Variants in LPP observed in about 807,000 individuals in gnomAD.
LPP encodes LIM domain containing preferred translocation partner in lipoma.
LPP carries 38 observed loss-of-function variants against 60.4 expected under a neutral mutation model. The ratio of observed to expected loss-of-function variants is 0.63; its 90% confidence interval spans 0.49 to 0.83. The LOEUF is 0.83. Among genes scored for constraint, LPP ranks in the 40% least tolerant of loss-of-function variants. The pLI, the probability that LPP is intolerant of heterozygous loss-of-function variation, is 0.00. For missense variants in LPP, 902 were observed against 783.6 expected (o/e 1.15, Z -1.80); for synonymous variants, 328 against 290.8 (o/e 1.13, Z -1.30).
intron 8 of LPP, among the ~76,000 whole-genome samples, chr3:188,756,831 A>G (rs940560461): frequency 6.6e-6 from 1 of 152,212 alleles, no homozygotes; most frequent in Non-Finnish European, 1.5e-5. Flanking sequence ...AGTCCAGCAT[A>G]TTAGGCTGAC....
intron 7 of LPP, among the ~76,000 whole-genome samples, chr3:188,634,644 T>G (rs1260824101): frequency 6.6e-6 from 1 of 152,174 alleles, no homozygotes; most frequent in Admixed American, 6.5e-5. Flanking sequence ...TGAACCCTAT[T>G]GTGAACTGCA....
At chr3:188,315,811 G>A (rs183786428) in intron 2 of LPP, among the ~76,000 whole-genome samples, 12 of 152,252 alleles carry the variant, frequency 7.9e-5, no homozygotes, top group African/African-American at 1.9e-4. Flanking sequence ...ACTCTAGTTC[G>A]TTTCTGCCTC....
chr3:188,664,812 G>T (rs931347160), intron 7 of LPP, among the ~76,000 whole-genome samples: 8 of 152,174 alleles, frequency 5.3e-5, no homozygotes, highest in African/African-American at 1.9e-4. Context: ...TATTACCAGG[G>T]ACTAAAATTA....
At position 188,886,263 on chromosome 3, in the gene LPP, G is replaced by T; in HGVS notation, c.*11784G>T. The T allele has an allele frequency of 6.4e-6, 1 of 155,398 alleles. No individual in the cohort carries two copies. Among genetic ancestry groups the T allele is most frequent in the Non-Finnish European group, 1.4e-5 (1 of 71,052 alleles). The allele number at this position is 155,398 out of a possible 1,614,324, so 9.6% of individuals were successfully genotyped here. On this transcript the variant is annotated 3_prime_UTR_variant, in exon 12 of 12. Coordinates refer to ENST00000617246, the MANE Select transcript of LPP (RefSeq NM_001375462.1). ...ACATGTATACATATGTAACTAACCT[G>T]CACATTGTGCACATGTACCCTAAAA... is the stretch of plus-strand genomic sequence containing the variant.
chr3:188,228,870 C>A (rs1718811040), intron 2 of LPP, among the ~76,000 whole-genome samples: 1 of 152,174 alleles, frequency 6.6e-6, no homozygotes, highest in South Asian at 2.1e-4. Flanking sequence ...TAAATGCCAA[C>A]CTGTTTTGTA....
intron 4 of LPP, among the ~76,000 whole-genome samples, chr3:188,409,618 A>G (rs1392363130): frequency 1.3e-5 from 2 of 152,174 alleles, no homozygotes; most frequent in Non-Finnish European, 2.9e-5. Context: ...CCAAGATAGT[A>G]GGTAGCACAG....
At chr3:188,547,912 C>T (rs11925479) in intron 6 of LPP, among the ~76,000 whole-genome samples, 1,895 of 152,256 alleles carry the variant, frequency 0.012, 39 homozygotes, top group African/African-American at 0.042. Flanking sequence ...ACTCCAGAAA[C>T]GGCCCTGAGG....
chr3:188,720,054 A>G (rs1340565273), intron 8 of LPP, among the ~76,000 whole-genome samples: 2 of 152,320 alleles, frequency 1.3e-5, no homozygotes, highest in East Asian at 1.9e-4. Context: ...ATGGGACTAC[A>G]GGCACGTGCC....
At chr3:188,245,084 A>G (rs1307168537) in intron 2 of LPP, among the ~76,000 whole-genome samples, 1 of 152,054 alleles carries the variant, frequency 6.6e-6, no homozygotes, top group African/African-American at 2.4e-5. Flanking sequence ...AATTGTTAGC[A>G]TAATTCTGCC....
chr3:188,588,504 CAG>C (rs1216021460), intron 6 of LPP, among the ~76,000 whole-genome samples: 2 of 152,112 alleles, frequency 1.3e-5, no homozygotes. Flanking sequence ...AGGTGGCTAA[CAG>C]AACAACTCTG....
intron 4 of LPP, among the ~76,000 whole-genome samples, chr3:188,474,159 G>A (rs566516680): frequency 2.0e-5 from 3 of 152,138 alleles, no homozygotes; most frequent in Non-Finnish European, 4.4e-5. Flanking sequence ...AGGTAGTTTT[G>A]TACCAATAAT....
At chr3:188,258,092 G>A (rs1189821573) in intron 2 of LPP, among the ~76,000 whole-genome samples, 2 of 152,186 alleles carry the variant, frequency 1.3e-5, no homozygotes, top group Admixed American at 1.3e-4. Flanking sequence ...ACAGGCCCAC[G>A]GGGCCCAGAT....
chr3:188,408,105 T>C (rs1296118305), intron 4 of LPP, among the ~76,000 whole-genome samples: 1 of 152,096 alleles, frequency 6.6e-6, no homozygotes, highest in Non-Finnish European at 1.5e-5. Context: ...ATGTTTTCAA[T>C]GTTTCCCTTT....
In LPP at chr3:188,423,453, G is replaced by T. The variant is rs541508478; in HGVS notation, c.193+17140G>T. 1.2e-4 allele frequency among the ~76,000 whole-genome samples: 18 copies of T among 152,242 alleles called. No individual in the cohort carries two copies. In the East Asian group the frequency reaches 3.3e-3, roughly 28 times the overall value. Reference sequence around the variant, plus strand: ...TAGAATGATTTATAATCCTTTGGGTGTATACCCAGTAATGGGATCGCTGGG... The same window carrying T: ...TAGAATGATTTATAATCCTTTGGGTTTATACCCAGTAATGGGATCGCTGGG... On this transcript the variant is annotated intron_variant, in intron 4 of 11. Transcript: ENST00000617246.
intron 9 of LPP, among the ~76,000 whole-genome samples, chr3:188,800,454 C>G (rs1012810805): frequency 1.3e-5 from 2 of 151,886 alleles, no homozygotes; most frequent in South Asian, 2.1e-4. Flanking sequence ...ATCGTGTTAG[C>G]CAGGATGGTC....
chr3:188,218,065 C>A (rs1052210137), intron 1 of LPP, among the ~76,000 whole-genome samples: 5 of 152,136 alleles, frequency 3.3e-5, no homozygotes, highest in Admixed American at 2.0e-4. Context: ...ATTTCTGTCT[C>A]CTGTAAACTC....
chr3:188,325,492 C>A lies in LPP; in HGVS notation c.-66-16171C>A, dbSNP rs147650856. ...TTCTTTAGCTAAAGTAGCACACATACCCCCCTCCCCATCATTCTTCTGTCA... is the reference window on the plus strand; with the variant it reads ...TTCTTTAGCTAAAGTAGCACACATAACCCCCTCCCCATCATTCTTCTGTCA... On this transcript the variant is annotated intron_variant, in intron 2 of 11. Transcript: ENST00000617246. 1.0e-3 allele frequency among the ~76,000 whole-genome samples: 156 copies of A among 152,248 alleles called. 1 individual carries two copies. The highest frequency in any genetic ancestry group is 3.5e-3 in the African/African-American group (144 of 41,540).
chr3:188,411,057 T>TAA (rs1252371427), intron 4 of LPP, among the ~76,000 whole-genome samples: 7 of 152,356 alleles, frequency 4.6e-5, no homozygotes, highest in African/African-American at 1.7e-4. Context: ...AATGCCATTA[T>TAA]TTCATTCCTT....
intron 2 of LPP, among the ~76,000 whole-genome samples, chr3:188,272,570 G>T (rs985638472): frequency 6.6e-6 from 1 of 152,144 alleles, no homozygotes; most frequent in Non-Finnish European, 1.5e-5. Flanking sequence ...AGAGGTATGT[G>T]TCTGTTGAAA....
Sources: allele counts gnomAD v4.1 joint callset (sites outside exome capture counted in the v4.1 genomes callset), GRCh38; gene constraint gnomAD v4.1.1; transcripts MANE v1.5; gene names NCBI Gene and HGNC (gene_info 2026-07-23, HGNC 2026-07-21).